SEMA5A: variants seen among roughly 807,000 people sequenced by gnomAD.
SEMA5A encodes semaphorin 5A.
Under a neutral mutation model 135.5 loss-of-function variants are expected in SEMA5A, and 55 were observed. The ratio of observed to expected loss-of-function variants is 0.41; its 90% CI spans 0.33 to 0.51. SEMA5A has a LOEUF of 0.51. Among genes scored for constraint, SEMA5A ranks in the 20% least tolerant of loss-of-function variants. The pLI, the probability that SEMA5A is intolerant of heterozygous loss-of-function variation, is 0.37. For missense variants in SEMA5A, 1,290 were observed against 1,419.9 expected (o/e 0.91, Z 1.47); for synonymous variants, 580 against 546.5 (o/e 1.06, Z -0.85).
At chr5:9,203,316 A>T (rs1338815848) in intron 8 of SEMA5A, among the ~76,000 whole-genome samples, 1 of 152,242 alleles carries the variant, frequency 6.6e-6, no homozygotes, top group African/African-American at 2.4e-5. Context: ...GACAACAAGT[A>T]TATTCACAAA....
chr5:9,386,549 C>T (rs1755899565), intron 2 of SEMA5A, among the ~76,000 whole-genome samples: 1 of 152,172 alleles, frequency 6.6e-6, no homozygotes, highest in South Asian at 2.1e-4. Flanking sequence ...TCATGAGCCC[C>T]TCATCTGTCT....
chr5:9,143,812 C>CTCCTTGTGGGCTTCA (rs386402983), intron 12 of SEMA5A, among the ~76,000 whole-genome samples: 6 of 152,146 alleles, frequency 3.9e-5, no homozygotes, highest in Non-Finnish European at 7.4e-5. Context: ...TTATCTTGAC[C>CTCCTTGTGGGCTTCA]TCCTTGTGGG....
chr5:9,055,621 C>A (rs2150052118), intron 18 of SEMA5A, among the ~76,000 whole-genome samples: 1 of 152,072 alleles, frequency 6.6e-6, no homozygotes, highest in South Asian at 2.1e-4. Context: ...GCAAAAATAT[C>A]ATCTTTATGA....
rs901577055 is a variant in SEMA5A at position 9,161,323 on chromosome 5, G to A, written c.1274-6628C>T. Among the ~76,000 whole-genome samples the A allele has an allele frequency of 4.6e-5, 7 of 152,174 alleles. No individual in the cohort carries two copies. The East Asian group carries it at 1.4e-3, about 29-fold the overall frequency. ...TCAAGCACTGAGGTTTAGGAGGTAG[G>A]AACCGAAAGGGTTTATCTAGACTAG... On this transcript the variant is annotated intron_variant, in intron 11 of 22. Transcript: ENST00000382496.
intron 6 of SEMA5A, among the ~76,000 whole-genome samples, chr5:9,237,156 A>C (rs961568102): frequency 6.6e-6 from 1 of 152,204 alleles, no homozygotes; most frequent in Non-Finnish European, 1.5e-5. Context: ...AATAATACAC[A>C]GTGAGCCTGT....
chr5:9,080,366 G>T (rs1047515231), intron 16 of SEMA5A, among the ~76,000 whole-genome samples: 1 of 152,200 alleles, frequency 6.6e-6, no homozygotes, highest in South Asian at 2.1e-4. Flanking sequence ...CATGGACACA[G>T]GGAGGAGAAC....
At chr5:9,326,049 A>C (rs537610885) in intron 4 of SEMA5A, among the ~76,000 whole-genome samples, 100 of 152,300 alleles carry the variant, frequency 6.6e-4, no homozygotes, top group Non-Finnish European at 1.3e-3. Context: ...CAAAACAGAC[A>C]CTGCCCATGA....
chr5:9,068,048 A>G (rs1737571187), intron 16 of SEMA5A, among the ~76,000 whole-genome samples: 1 of 152,114 alleles, frequency 6.6e-6, no homozygotes, highest in African/African-American at 2.4e-5. Context: ...ATTTGAGCAC[A>G]TTGATGATTT....
At chr5:9,449,385 TG>T (rs944715235) in intron 1 of SEMA5A, among the ~76,000 whole-genome samples, 1 of 151,522 alleles carries the variant, frequency 6.6e-6, no homozygotes, top group Admixed American at 6.6e-5. Flanking sequence ...CATGGATATA[TG>T]GGGGGGAACA....
intron 16 of SEMA5A, among the ~76,000 whole-genome samples, chr5:9,084,079 A>G (rs1579361424): frequency 1.3e-5 from 2 of 152,256 alleles, no homozygotes; most frequent in East Asian, 3.8e-4. Flanking sequence ...ATAAAAGTTG[A>G]AAATCTTGAT....
At chr5:9,327,993 A>G (rs777349233) in intron 4 of SEMA5A, among the ~76,000 whole-genome samples, 1 of 152,192 alleles carries the variant, frequency 6.6e-6, no homozygotes, top group Non-Finnish European at 1.5e-5. Context: ...AATTATCTCC[A>G]TATACAATTA....
At chr5:9,127,283 T>C (rs1028830078) in intron 13 of SEMA5A, among the ~76,000 whole-genome samples, 7 of 152,168 alleles carry the variant, frequency 4.6e-5, no homozygotes, top group African/African-American at 1.4e-4. Context: ...AAAGCAGTTC[T>C]ATCCTGGATG....
chr5:9,342,455 G>T (rs1753693020), intron 3 of SEMA5A, among the ~76,000 whole-genome samples: 1 of 152,216 alleles, frequency 6.6e-6, no homozygotes, highest in South Asian at 2.1e-4. Context: ...GGCTGAGAAA[G>T]CAGGATTTCA....
intron 2 of SEMA5A, among the ~76,000 whole-genome samples, chr5:9,410,112 C>T (rs1037815968): frequency 6.6e-6 from 1 of 152,100 alleles, no homozygotes; most frequent in Non-Finnish European, 1.5e-5. Context: ...TTTTATTTCT[C>T]AGTACCTGTA....
intron 5 of SEMA5A, among the ~76,000 whole-genome samples, chr5:9,312,984 G>A (rs1266764987): frequency 1.3e-5 from 2 of 152,104 alleles, no homozygotes; most frequent in African/African-American, 4.8e-5. Flanking sequence ...GAGAGGAGTG[G>A]AGAGGGTGCA....
chr5:9,393,743 T>TA (rs1392742299), intron 2 of SEMA5A, among the ~76,000 whole-genome samples: 3 of 152,082 alleles, frequency 2.0e-5, no homozygotes, highest in African/African-American at 7.2e-5. Flanking sequence ...AAAAAGACAA[T>TA]AAAACCAGTT....
intron 11 of SEMA5A, among the ~76,000 whole-genome samples, chr5:9,184,119 CTGTT>C (rs894451470): frequency 1.4e-4 from 20 of 147,138 alleles, no homozygotes; most frequent in Non-Finnish European, 2.2e-4. Flanking sequence ...TTGTGAGTGT[CTGTT>C]TTTTTTTATT....
intron 5 of SEMA5A, among the ~76,000 whole-genome samples, chr5:9,281,970 G>A (rs534237061): frequency 1.1e-4 from 16 of 151,956 alleles, no homozygotes; most frequent in Non-Finnish European, 1.6e-4. Context: ...TTGCCACCAC[G>A]CCCAGCTAAT....
chr5:9,166,804 T>C (rs558695510), intron 11 of SEMA5A, among the ~76,000 whole-genome samples: 82 of 152,356 alleles, frequency 5.4e-4, no homozygotes, highest in African/African-American at 1.9e-3. Context: ...AACTCTCATC[T>C]AACCCACAGC....
Sources: allele counts gnomAD v4.1 joint callset (sites outside exome capture counted in the v4.1 genomes callset), GRCh38; gene constraint gnomAD v4.1.1; transcripts MANE v1.5; gene names NCBI Gene and HGNC (gene_info 2026-07-23, HGNC 2026-07-21).